ANO10: variants seen among roughly 807,000 people sequenced by gnomAD.
ANO10 encodes the protein anoctamin 10.
A neutral mutation model predicts 74.7 loss-of-function variants in ANO10; 77 were observed. That is an observed-to-expected ratio of 1.03 (90% CI 0.86 to 1.25). The LOEUF is 1.25. Ranked by LOEUF, ANO10 falls within the 50% of genes most tolerant of loss-of-function variation. The pLI is 0.00. For missense variants in ANO10, 721 were observed against 778.1 expected (o/e 0.93, Z 0.87); for synonymous variants, 279 against 284.9 (o/e 0.98, Z 0.21).
intron 11 of ANO10, among the ~76,000 whole-genome samples, chr3:43,488,299 A>C (rs1419152952): frequency 8.6e-5 from 13 of 151,352 alleles, no homozygotes; most frequent in South Asian, 8.4e-4. Context: ...CAATGGCAAC[A>C]AAAGACAAAA....
intron 1 of ANO10, among the ~76,000 whole-genome samples, chr3:43,671,422 G>C (rs2084058241): frequency 6.6e-6 from 1 of 152,056 alleles, no homozygotes; most frequent in Non-Finnish European, 1.5e-5. Flanking sequence ...TGCATGCCCG[G>C]GTTTAGGTGT....
Position 43,647,153 on chromosome 3 carries a change from A to ATATGTGTGTGTGTG in ANO10, c.-11-41291_-11-41290insCACACACACACATA, listed in dbSNP as rs371712281. ...CAGAACCAAAAAGATATGTGTATAT[A>ATATGTGTGTGTGTG]TGTGTGTGTGTGTGTGTGTGTGTGT... On this transcript the variant is annotated intron_variant, in intron 1 of 3. Transcript: ENST00000413397. Among the ~76,000 whole-genome samples, 9 of 141,890 alleles carry ATATGTGTGTGTGTG rather than the reference A, an allele frequency of 6.3e-5. No homozygotes were observed. The East Asian group carries it at 1.5e-3, about 23-fold the overall frequency. 93.1% of individuals were successfully genotyped at this position (141,890 alleles called of 152,430 possible).
At chr3:43,587,717 G>C (rs370125904) in intron 4 of ANO10, among the ~76,000 whole-genome samples, 1 of 151,930 alleles carries the variant, frequency 6.6e-6, no homozygotes, top group African/African-American at 2.4e-5. Context: ...ATCAAGATCC[G>C]ACATCCCATA....
intron 9 of ANO10, among the ~76,000 whole-genome samples, chr3:43,560,027 A>G (rs774251835): frequency 2.0e-5 from 3 of 152,220 alleles, no homozygotes; most frequent in Non-Finnish European, 4.4e-5. Context: ...AGAAGGGGCT[A>G]GGATCTGTAT....
At chr3:43,480,979 A>ATAATTGTATAATAATACATTAC (rs2076247270) in intron 11 of ANO10, among the ~76,000 whole-genome samples, 1 of 150,326 alleles carries the variant, frequency 6.7e-6, no homozygotes, top group Non-Finnish European at 1.5e-5. Context: ...TTATTGTATA[A>ATAATTGTATAATAATACATTAC]TAATTGTATA....
chr3:43,543,616 C>T (rs1193011490), intron 11 of ANO10, among the ~76,000 whole-genome samples: 1 of 152,178 alleles, frequency 6.6e-6, no homozygotes, highest in Non-Finnish European at 1.5e-5. Flanking sequence ...TCTTGATCTC[C>T]TGACCTGTGA....
intron 12 of ANO10, among the ~76,000 whole-genome samples, chr3:43,425,398 G>GA (rs1271077089): frequency 1.3e-5 from 2 of 150,982 alleles, no homozygotes; most frequent in South Asian, 2.1e-4. Flanking sequence ...ACGAAATGTT[G>GA]AAAAAAACCT....
chr3:43,561,509 A>T, intron 8 of ANO10, 107 bp from the exon 9 acceptor site: 1 of 998,910 alleles, frequency 1.0e-6, no homozygotes, highest in Non-Finnish European at 1.5e-6. Context: ...GCATAAATAC[A>T]ATTATGCAAC....
rs371912709 is a variant in ANO10, at chr3:43,689,053, C to T, written c.-12+2464G>A. ...AAGAGAGTGAGGGGTAGGTGCCATA[C>T]ACTTTTAAACAACCAGATCTCACAA... On this transcript the variant is annotated intron_variant, in intron 1 of 3. Transcript: ENST00000413397. Among the ~76,000 whole-genome samples the T allele has an allele frequency of 1.4e-3, 216 of 152,210 alleles. 3 individuals carry two copies. Among genetic ancestry groups the T allele is most frequent in the African/African-American group, 5.0e-3 (206 of 41,526 alleles).
intron 1 of ANO10, among the ~76,000 whole-genome samples, chr3:43,656,782 A>G (rs1308959213): frequency 6.6e-6 from 1 of 152,220 alleles, no homozygotes; most frequent in Non-Finnish European, 1.5e-5. Context: ...TGCTGCACAC[A>G]GCCCGGGTTC....
chr3:43,441,718 G>A (rs1276920875), intron 11 of ANO10, among the ~76,000 whole-genome samples: 1 of 152,004 alleles, frequency 6.6e-6, no homozygotes, highest in African/African-American at 2.4e-5. Flanking sequence ...GAAAACTATA[G>A]TCCAATATCC....
At chr3:43,688,157 T>C (rs1478994283) in intron 1 of ANO10, among the ~76,000 whole-genome samples, 1 of 145,466 alleles carries the variant, frequency 6.9e-6, no homozygotes, top group Non-Finnish European at 1.5e-5. Flanking sequence ...CTTTCTCTCT[T>C]TTTTTCTTTC....
At chr3:43,680,138 G>A (rs966668167) in intron 1 of ANO10, among the ~76,000 whole-genome samples, 14 of 152,104 alleles carry the variant, frequency 9.2e-5, no homozygotes, top group African/African-American at 1.7e-4. Context: ...AAACTACTCC[G>A]AGCTAAAGGA....
At chr3:43,512,086 T>C (rs1014367374) in intron 11 of ANO10, among the ~76,000 whole-genome samples, 1 of 149,352 alleles carries the variant, frequency 6.7e-6, no homozygotes, top group Non-Finnish European at 1.5e-5. Flanking sequence ...GAGCCCCGGA[T>C]GTGGGGACTT....
At chr3:43,633,565 CCTGAGGAGAA>C (rs1185282452) in intron 1 of ANO10, among the ~76,000 whole-genome samples, 1 of 152,100 alleles carries the variant, frequency 6.6e-6, no homozygotes, top group Non-Finnish European at 1.5e-5. Context: ...AAATTACTCA[CCTGAGGAGAA>C]CTGTTCATTC....
chr3:43,502,423 G>A (rs929871167), intron 11 of ANO10, among the ~76,000 whole-genome samples: 2 of 152,090 alleles, frequency 1.3e-5, no homozygotes. Flanking sequence ...CTGGTTGTCA[G>A]AAAGAGCCTG....
intron 4 of ANO10, among the ~76,000 whole-genome samples, chr3:43,589,125 G>GC (rs1187009682): frequency 2.0e-5 from 3 of 151,618 alleles, no homozygotes; most frequent in Non-Finnish European, 4.4e-5. Flanking sequence ...GATAATATAA[G>GC]CAAGTATGGT....
chr3:43,466,224 A>T (rs985046591), intron 11 of ANO10, among the ~76,000 whole-genome samples: 10 of 151,890 alleles, frequency 6.6e-5, no homozygotes, highest in African/African-American at 2.4e-4. Context: ...ACAAAAAATT[A>T]GCCAGGCGTG....
At chr3:43,438,834 T>C (rs909180778) in intron 11 of ANO10, among the ~76,000 whole-genome samples, 23 of 150,752 alleles carry the variant, frequency 1.5e-4, no homozygotes, top group Non-Finnish European at 4.4e-5. Flanking sequence ...GATAGGTCAT[T>C]GGAAATTATT....
Sources: allele counts gnomAD v4.1 joint callset (sites outside exome capture counted in the v4.1 genomes callset), GRCh38; gene constraint gnomAD v4.1.1; transcripts MANE v1.5; gene names NCBI Gene and HGNC (gene_info 2026-07-23, HGNC 2026-07-21).